The following FAM178B variants were observed in gnomAD, a reference collection of about 807,000 sequenced individuals.
FAM178B encodes the protein protein FAM178B.
Under a neutral mutation model 91.7 loss-of-function variants are expected in FAM178B, and 82 were observed. The observed-to-expected ratio is 0.89, with a 90% CI of 0.75 to 1.07. FAM178B has a LOEUF of 1.07. FAM178B is among the 50% of genes least tolerant of loss of function. The pLI is 0.00. For missense variants in FAM178B, 769 were observed against 846.7 expected, an observed-to-expected ratio of 0.91 and a Z score of 1.14; for synonymous variants, 368 against 359.4, an observed-to-expected ratio of 1.02 and a Z score of -0.27.
intron 1 of FAM178B, among the ~76,000 whole-genome samples, chr2:96,974,381 CAA>C (rs1171601429): frequency 2.5e-4 from 4 of 16,248 alleles, no homozygotes; most frequent in Non-Finnish European, 3.6e-4. Context: ...GACTCCATCT[CAA>C]AAAAAAAAAA....
In FAM178B at chr2:96,967,911, C is replaced by CTTTTTTTTT. The variant is rs60965536; in HGVS notation, c.627-293_627-285dup. Reference sequence around the variant, plus strand: ...TCTTTACTTGTGTACCCTGTTTGGTCTTTTTTTTTTTTTTTTTTTTTTTTT... The same window carrying CTTTTTTTTT: ...TCTTTACTTGTGTACCCTGTTTGGTCTTTTTTTTTTTTTTTTTTTTTTTTTTTTTTTTTT... On this transcript the variant is annotated intron_variant, in intron 4 of 16. Transcript: ENST00000490605. 8.8e-3 allele frequency among the ~76,000 whole-genome samples: 548 copies of CTTTTTTTTT among 62,438 alleles called. 154 individuals are homozygous for CTTTTTTTTT. Among genetic ancestry groups the CTTTTTTTTT allele is most frequent in the African/African-American group, 0.011 (175 of 16,566 alleles). The allele number at this position is 62,438 out of a possible 152,430, so 41.0% of individuals were successfully genotyped here. A position where few individuals can be genotyped will look rare whatever the true frequency, so the allele number is the denominator to read the frequency against.
At chr2:96,907,541 GC>G (rs1188913088) in intron 12 of FAM178B, among the ~76,000 whole-genome samples, 1 of 152,214 alleles carries the variant, frequency 6.6e-6, no homozygotes. Flanking sequence ...CACCAGCCAG[GC>G]CAGGCTAGGC....
intron 6 of FAM178B, among the ~76,000 whole-genome samples, chr2:96,956,385 C>G (rs772050612): frequency 2.6e-5 from 4 of 152,146 alleles, no homozygotes; most frequent in African/African-American, 7.2e-5. Context: ...GCAGGCTCCC[C>G]GGGAAGAGGG....
At chr2:96,896,222 A>G (rs2080820785) in intron 13 of FAM178B, among the ~76,000 whole-genome samples, 1 of 152,214 alleles carries the variant, frequency 6.6e-6, no homozygotes, top group Non-Finnish European at 1.5e-5. Context: ...GCAGGGGCGC[A>G]CAGGACAGCA....
chr2:96,884,615 C>T (rs2080471176), intron 14 of FAM178B, among the ~76,000 whole-genome samples: 1 of 152,182 alleles, frequency 6.6e-6, no homozygotes. Context: ...CACAGGACAC[C>T]AGGCGAAAGG....
At chr2:96,975,016 G>A (rs544966823) in intron 1 of FAM178B, among the ~76,000 whole-genome samples, 9 of 151,014 alleles carry the variant, frequency 6.0e-5, no homozygotes, top group East Asian at 3.9e-4. Context: ...GTTTGAACCC[G>A]GGAGGCGGAG....
chr2:96,917,958 A>G (rs1408717829), intron 12 of FAM178B, among the ~76,000 whole-genome samples: 1 of 152,208 alleles, frequency 6.6e-6, no homozygotes, highest in Non-Finnish European at 1.5e-5. Flanking sequence ...AAGGACAAAC[A>G]GATTTGAGTT....
chr2:96,949,090 C>T (rs780339062), intron 7 of FAM178B, among the ~76,000 whole-genome samples: 1 of 152,172 alleles, frequency 6.6e-6, no homozygotes, highest in East Asian at 1.9e-4. Context: ...TGAGGGTGTA[C>T]ACCTCCTGCT....
intron 6 of FAM178B, among the ~76,000 whole-genome samples, chr2:96,957,054 G>A (rs963611687): frequency 3.3e-5 from 5 of 151,780 alleles, no homozygotes; most frequent in African/African-American, 4.8e-5. Context: ...GGGTTGAGAC[G>A]GGGTTTCTCC....
chr2:96,965,757 G>A (rs1013120176), intron 5 of FAM178B, among the ~76,000 whole-genome samples: 6 of 151,834 alleles, frequency 4.0e-5, no homozygotes, highest in South Asian at 2.1e-4. Context: ...ATGAGCCACC[G>A]TGCCCAGCCT....
At chr2:96,939,739 C>T (rs986280496) in intron 8 of FAM178B, among the ~76,000 whole-genome samples, 5 of 152,094 alleles carry the variant, frequency 3.3e-5, no homozygotes. Context: ...ATTGCACACA[C>T]AGTAGGAGCT....
At chr2:96,977,935 G>A (rs920534344) in intron 1 of FAM178B, 8 of 449,416 alleles carry the variant, frequency 1.8e-5, no homozygotes, top group African/African-American at 1.6e-4. Context: ...GTTCATCGCT[G>A]GAGGGTGGGG....
intron 4 of FAM178B, among the ~76,000 whole-genome samples, 156 bp from the exon 5 acceptor site, chr2:96,967,783 G>T (rs1172388362): frequency 6.6e-6 from 1 of 152,208 alleles, no homozygotes; most frequent in East Asian, 1.9e-4. Context: ...AGATTTTTAA[G>T]GCAATGGGGA....
At chr2:96,892,372 G>A (rs1040243507) in intron 14 of FAM178B, among the ~76,000 whole-genome samples, 1 of 152,140 alleles carries the variant, frequency 6.6e-6, no homozygotes, top group Admixed American at 6.5e-5. Context: ...CCTGGGACTC[G>A]CCTGCCTCTC....
intron 10 of FAM178B, 76 bp downstream of exon 10, chr2:96,923,414 T>C (rs2081379458): frequency 8.7e-7 from 1 of 1,149,100 alleles, no homozygotes; most frequent in Non-Finnish European, 1.3e-6. Flanking sequence ...TCCGTGATGC[T>C]CCTGGAATTT....
intron 14 of FAM178B, among the ~76,000 whole-genome samples, chr2:96,885,850 C>T (rs144553367): frequency 1.8e-4 from 28 of 152,282 alleles, no homozygotes; most frequent in Non-Finnish European, 3.2e-4. Context: ...ATTCTCGGTG[C>T]CTATGTGTAA....
At chr2:96,880,927 A>AACAAG (rs1329807402) in intron 14 of FAM178B, among the ~76,000 whole-genome samples, 1 of 152,064 alleles carries the variant, frequency 6.6e-6, no homozygotes, top group African/African-American at 2.4e-5. Flanking sequence ...TGCCAACGGT[A>AACAAG]ATTGGCTGAA....
chr2:96,894,122 G>A, intron 13 of FAM178B, 71 bp from the exon 14 acceptor site: 5 of 1,526,844 alleles, frequency 3.3e-6, no homozygotes, highest in South Asian at 1.2e-5. Flanking sequence ...CCCGGGAATC[G>A]GCCTGGACAC....
chr2:96,960,691 C>A (rs1056878385), intron 5 of FAM178B, among the ~76,000 whole-genome samples: 3 of 152,222 alleles, frequency 2.0e-5, no homozygotes, highest in Non-Finnish European at 2.9e-5. Flanking sequence ...GAAGACCCAA[C>A]CCCACCCACT....
Sources: allele counts gnomAD v4.1 joint callset (sites outside exome capture counted in the v4.1 genomes callset), GRCh38; gene constraint gnomAD v4.1.1; transcripts MANE v1.5; gene names NCBI Gene and HGNC (gene_info 2026-07-23, HGNC 2026-07-21).